Variants in WWOX observed in about 807,000 individuals in gnomAD.
WWOX encodes the protein WW domain-containing oxidoreductase.
In WWOX, 69 loss-of-function variants were observed where a neutral mutation model predicts 46.2. The ratio of observed to expected loss-of-function variants is 1.49; its 90% CI spans 1.23 to 1.82. The LOEUF (loss-of-function observed/expected upper bound fraction) is 1.82, where lower values mean the gene tolerates loss of function less well. Among genes scored for constraint, WWOX ranks in the 40% most tolerant of loss-of-function variants. The pLI, the probability that WWOX is intolerant of heterozygous loss-of-function variation, is 0.00. For synonymous variants in WWOX, 359 were observed against 202.6 expected, an observed-to-expected ratio of 1.77 and a Z score of -6.56; for missense variants, 919 against 542.6, an observed-to-expected ratio of 1.69 and a Z score of -6.89.
At chr16:78,875,595 ATCT>A in intron 8 of WWOX, among the ~76,000 whole-genome samples, 1 of 152,260 alleles carries the variant, frequency 6.6e-6, no homozygotes, top group East Asian at 1.9e-4. Flanking sequence ...CATATCCCTT[ATCT>A]CAAGGTGAGT....
At chr16:78,892,754 A>G (rs1433869737) in intron 8 of WWOX, among the ~76,000 whole-genome samples, 2 of 152,134 alleles carry the variant, frequency 1.3e-5, no homozygotes, top group African/African-American at 2.4e-5. Flanking sequence ...GCATCCCACA[A>G]CTTTCTAACC....
At chr16:79,202,895 A>G (rs1016476793) in intron 8 of WWOX, 2 of 152,238 alleles carry the variant, frequency 1.3e-5, no homozygotes, top group African/African-American at 4.8e-5. Flanking sequence ...CAGCACATGC[A>G]TATTTAGATA....
At chr16:78,144,646 C>T (rs1008033432) in intron 4 of WWOX, among the ~76,000 whole-genome samples, 2 of 148,792 alleles carry the variant, frequency 1.3e-5, no homozygotes, top group African/African-American at 2.5e-5. Flanking sequence ...CTCAGCCTCC[C>T]AATAGCTGGG....
At chr16:78,397,573 G>A (rs941501315) in intron 6 of WWOX, among the ~76,000 whole-genome samples, 1 of 152,196 alleles carries the variant, frequency 6.6e-6, no homozygotes, top group African/African-American at 2.4e-5. Flanking sequence ...GTAGCTTGGA[G>A]AATCAGAAAG....
intron 8 of WWOX, among the ~76,000 whole-genome samples, chr16:78,835,544 G>A (rs775610344): frequency 2.0e-5 from 3 of 152,172 alleles, no homozygotes; most frequent in Non-Finnish European, 4.4e-5. Context: ...ACTTAAGAAT[G>A]TTCACACAGT....
chr16:78,408,157 A>C (rs1168466101), intron 6 of WWOX, among the ~76,000 whole-genome samples: 1 of 152,160 alleles, frequency 6.6e-6, no homozygotes, highest in Non-Finnish European at 1.5e-5. Flanking sequence ...TACAAGTTAA[A>C]TCCTCGGACC....
chr16:78,661,234 A>G (rs1209479112), intron 8 of WWOX, among the ~76,000 whole-genome samples: 1 of 152,186 alleles, frequency 6.6e-6, no homozygotes. Flanking sequence ...GTGGCCCCCC[A>G]GAAATTATCT....
chr16:78,967,060 C>G (rs1263206755), intron 8 of WWOX, among the ~76,000 whole-genome samples: 1 of 152,114 alleles, frequency 6.6e-6, no homozygotes, highest in Non-Finnish European at 1.5e-5. Flanking sequence ...CCATTGTTGT[C>G]CTTTCTTTTC....
chr16:78,162,772 T>A (rs898949477), intron 4 of WWOX, among the ~76,000 whole-genome samples: 1 of 152,192 alleles, frequency 6.6e-6, no homozygotes, highest in Non-Finnish European at 1.5e-5. Flanking sequence ...ATGTCTCTTT[T>A]GTGCTTTGTT....
chr16:78,931,302 T>C (rs938699593), intron 8 of WWOX, among the ~76,000 whole-genome samples: 1 of 152,116 alleles, frequency 6.6e-6, no homozygotes, highest in African/African-American at 2.4e-5. Context: ...ACTCCCAATC[T>C]GAACGGTAGT....
intron 8 of WWOX, among the ~76,000 whole-genome samples, chr16:79,107,275 T>C (rs1006776700): frequency 6.7e-6 from 1 of 149,044 alleles, no homozygotes; most frequent in African/African-American, 2.5e-5. Flanking sequence ...TTTGATCTCA[T>C]CCTTGCTGTT....
chr16:78,266,554 C>G (rs996453416), intron 5 of WWOX, among the ~76,000 whole-genome samples: 4 of 152,146 alleles, frequency 2.6e-5, no homozygotes, highest in African/African-American at 9.7e-5. Flanking sequence ...CCATAAGACT[C>G]TCTGGAACTA....
At position 79,211,931 on chromosome 16, in the gene WWOX, A is replaced by G. The variant is rs1231862770; in HGVS notation, c.*135A>G. ...TAAAGGAAATAAGAGCAGTCACAACAGAGTGAAAAATCTTAAGTACCAATG... is the reference window on the plus strand; with the variant it reads ...TAAAGGAAATAAGAGCAGTCACAACGGAGTGAAAAATCTTAAGTACCAATG... On this transcript the variant is annotated 3_prime_UTR_variant, in exon 9 of 9. Transcript: ENST00000566780. The G allele has an allele frequency of 2.6e-6, 4 of 1,538,698 alleles. No individual in the cohort carries two copies. Among genetic ancestry groups the G allele is most frequent in the South Asian group, 1.2e-5 (1 of 84,370 alleles).
chr16:78,982,152 G>GA (rs1015240174), intron 8 of WWOX, among the ~76,000 whole-genome samples: 38 of 145,368 alleles, frequency 2.6e-4, no homozygotes, highest in Admixed American at 7.5e-4. Flanking sequence ...AGGAAAAGAA[G>GA]AAAAAAAATA....
chr16:78,652,702 T>A (rs977345767), intron 8 of WWOX, among the ~76,000 whole-genome samples: 1 of 152,162 alleles, frequency 6.6e-6, no homozygotes, highest in Non-Finnish European at 1.5e-5. Flanking sequence ...GTGGAAAAGA[T>A]GCCAAATTTG....
intron 8 of WWOX, among the ~76,000 whole-genome samples, chr16:78,505,060 T>C (rs2085160188): frequency 6.6e-6 from 1 of 152,104 alleles, no homozygotes; most frequent in African/African-American, 2.4e-5. Flanking sequence ...CTAAGGGATA[T>C]TATTGTTCCT....
At chr16:79,049,335 C>T (rs752173544) in intron 8 of WWOX, among the ~76,000 whole-genome samples, 6 of 152,196 alleles carry the variant, frequency 3.9e-5, no homozygotes, top group Non-Finnish European at 5.9e-5. Context: ...CGCTCTTTCA[C>T]ACTGGGGCAA....
At chr16:78,400,122 G>A (rs1157280807) in intron 6 of WWOX, among the ~76,000 whole-genome samples, 5 of 152,108 alleles carry the variant, frequency 3.3e-5, no homozygotes, top group Admixed American at 1.3e-4. Flanking sequence ...GGTAAAGTTC[G>A]TCAGTTTAAC....
At chr16:78,547,127 GAAAAAAAAAAAAA>G (rs199726097) in intron 8 of WWOX, among the ~76,000 whole-genome samples, 5 of 87,514 alleles carry the variant, frequency 5.7e-5, no homozygotes, top group South Asian at 8.5e-4. Context: ...CCTTGTCTCA[GAAAAAAAAAAAAA>G]AAAAAAAAAA....
Sources: gnomAD v4.1 joint callset for allele counts (sites outside exome capture counted in the v4.1 genomes callset) on GRCh38, gnomAD v4.1.1 for gene constraint, MANE v1.5 for transcripts, NCBI Gene and HGNC (gene_info 2026-07-23, HGNC 2026-07-21) for gene names.